Variants in AP3B1 observed in about 807,000 individuals in gnomAD.
AP3B1 encodes the protein adaptor related protein complex 3 subunit beta 1, also known as AP-3 complex subunit beta-1.
Under a neutral mutation model 132.5 loss-of-function variants are expected in AP3B1, and 61 were observed. The observed-to-expected ratio is 0.46, with a 90% CI of 0.37 to 0.57. The LOEUF (loss-of-function observed/expected upper bound fraction) is 0.57. AP3B1 is among the 20% of genes least tolerant of loss of function. The pLI, the probability that AP3B1 is intolerant of heterozygous loss-of-function variation, is 0.00. For missense variants in AP3B1, 1,120 were observed against 1,289.4 expected, an observed-to-expected ratio of 0.87 and a Z score of 2.01; for synonymous variants, 388 against 438.3, an observed-to-expected ratio of 0.89 and a Z score of 1.43.
chr5:78,180,748 T>A, intron 8 of AP3B1, among the ~76,000 whole-genome samples: 1 of 152,148 alleles, frequency 6.6e-6, no homozygotes, highest in East Asian at 1.9e-4. Flanking sequence ...TAACCATGAA[T>A]ATATGTACAC....
chr5:78,070,633 G>C (rs1362388592), intron 22 of AP3B1, among the ~76,000 whole-genome samples: 1 of 151,808 alleles, frequency 6.6e-6, no homozygotes, highest in African/African-American at 2.4e-5. Context: ...AACCTACAGA[G>C]TGGGAGAAGA....
chr5:78,255,759 A>C (rs1747821524), intron 2 of AP3B1, among the ~76,000 whole-genome samples: 1 of 152,126 alleles, frequency 6.6e-6, no homozygotes, highest in East Asian at 1.9e-4. Flanking sequence ...ACATATTTAC[A>C]GAACCTTTTA....
chr5:78,002,151 A>G (rs1417141242), downstream of AP3B1: 1 of 153,344 alleles, frequency 6.5e-6, no homozygotes, highest in Non-Finnish European at 1.5e-5. Flanking sequence ...TTTTCCTTGG[A>G]GTAAACTATA....
intron 7 of AP3B1, among the ~76,000 whole-genome samples, chr5:78,212,976 C>T (rs1265200594): frequency 6.6e-6 from 1 of 152,086 alleles, no homozygotes; most frequent in Non-Finnish European, 1.5e-5. Context: ...CTCCTGGGTT[C>T]ATGCCATTCT....
At chr5:78,016,404 G>A (rs557639858) in intron 25 of AP3B1, among the ~76,000 whole-genome samples, 4 of 151,990 alleles carry the variant, frequency 2.6e-5, no homozygotes, top group South Asian at 2.1e-4. Context: ...TTTAGTGCCC[G>A]GGTTAAAAAA....
At chr5:78,031,882 A>G (rs982472447) in intron 24 of AP3B1, among the ~76,000 whole-genome samples, 28 of 152,228 alleles carry the variant, frequency 1.8e-4, no homozygotes, top group African/African-American at 6.7e-4. Flanking sequence ...GGATCTTTGG[A>G]CAAAAACATG....
At chr5:78,231,923 A>G (rs1746665092) in intron 3 of AP3B1, among the ~76,000 whole-genome samples, 2 of 152,370 alleles carry the variant, frequency 1.3e-5, no homozygotes, top group South Asian at 4.1e-4. Flanking sequence ...CGTATCTATT[A>G]AATAGAAGAA....
At chr5:78,201,509 A>C (rs1036045965) in intron 7 of AP3B1, among the ~76,000 whole-genome samples, 1 of 152,236 alleles carries the variant, frequency 6.6e-6, no homozygotes, top group African/African-American at 2.4e-5. Context: ...TGAACTACTA[A>C]TACAATGTGG....
intron 21 of AP3B1, among the ~76,000 whole-genome samples, chr5:78,091,449 G>A (rs938971787): frequency 2.6e-5 from 4 of 152,074 alleles, no homozygotes; most frequent in South Asian, 2.1e-4. Flanking sequence ...ACTTAGTACG[G>A]CTGAAGCACA....
intron 11 of AP3B1, among the ~76,000 whole-genome samples, chr5:78,173,274 T>G (rs898410883): frequency 6.6e-6 from 1 of 152,186 alleles, no homozygotes; most frequent in East Asian, 1.9e-4. Context: ...CTATTAGGTC[T>G]GCTTGGTGCA....
intron 24 of AP3B1, among the ~76,000 whole-genome samples, chr5:78,022,903 A>G (rs1747165004): frequency 6.6e-6 from 1 of 152,188 alleles, no homozygotes. Context: ...ACTGATGAGA[A>G]AACTGAAAAG....
At chr5:78,242,374 C>T (rs375198383) in intron 2 of AP3B1, among the ~76,000 whole-genome samples, 2 of 151,834 alleles carry the variant, frequency 1.3e-5, no homozygotes, top group Non-Finnish European at 2.9e-5. Context: ...TCTCCTAACA[C>T]CTGGGCCACT....
chr5:78,159,127 G>T (rs1437274381), intron 13 of AP3B1, among the ~76,000 whole-genome samples: 1 of 152,186 alleles, frequency 6.6e-6, no homozygotes, highest in Non-Finnish European at 1.5e-5. Flanking sequence ...TGATTACTAT[G>T]CAAAGCAAAA....
At chr5:78,015,712 G>A in intron 25 of AP3B1, 164 bp from the exon 26 acceptor site, 1 of 670,784 alleles carries the variant, frequency 1.5e-6, no homozygotes, top group Non-Finnish European at 2.4e-6. Context: ...AAATGCAATT[G>A]TTTCGAAGTT....
At chr5:78,245,851 T>G (rs964891458) in intron 2 of AP3B1, among the ~76,000 whole-genome samples, 3 of 152,114 alleles carry the variant, frequency 2.0e-5, no homozygotes, top group African/African-American at 7.2e-5. Flanking sequence ...CCTTTTTCAT[T>G]TTATTTGGTT....
chr5:78,021,224 G>A (rs553907522), intron 24 of AP3B1, among the ~76,000 whole-genome samples: 1 of 151,984 alleles, frequency 6.6e-6, no homozygotes, highest in South Asian at 2.1e-4. Context: ...AGTTTTAAAT[G>A]AAGAAGAAAA....
intron 2 of AP3B1, among the ~76,000 whole-genome samples, chr5:78,249,019 A>G (rs936604978): frequency 7.2e-5 from 11 of 151,922 alleles, no homozygotes; most frequent in African/African-American, 2.7e-4. Context: ...GTTTTCTTTT[A>G]GTTTATCCTA....
intron 26 of AP3B1, among the ~76,000 whole-genome samples, chr5:78,006,831 A>T (rs1356948070): frequency 2.0e-5 from 3 of 152,186 alleles, no homozygotes; most frequent in Non-Finnish European, 4.4e-5. Context: ...TCTGTATTTC[A>T]TCTTATTAAA....
At chr5:78,097,508 T>TG (rs771400532) in intron 21 of AP3B1, among the ~76,000 whole-genome samples, 1 of 57,308 alleles carries the variant, frequency 1.7e-5, no homozygotes, top group Non-Finnish European at 3.3e-5. Context: ...GGGAGGGAGG[T>TG]GGGGGGGTCA....
Sources: allele counts gnomAD v4.1 joint callset (sites outside exome capture counted in the v4.1 genomes callset), GRCh38; gene constraint gnomAD v4.1.1; transcripts MANE v1.5; gene names NCBI Gene and HGNC (gene_info 2026-07-23, HGNC 2026-07-21).